Variants in MIDEAS observed in about 807,000 individuals in gnomAD.
MIDEAS encodes mitotic deacetylase-associated SANT domain protein.
Under a neutral mutation model 102.7 loss-of-function variants are expected in MIDEAS, and 26 were observed. That is an observed-to-expected ratio of 0.25 (90% CI 0.19 to 0.35). MIDEAS has a LOEUF of 0.35. Ranked by LOEUF, MIDEAS falls within the 10% of genes least tolerant of loss-of-function variation. The pLI, the probability that MIDEAS is intolerant of heterozygous loss-of-function variation, is 1.00. For missense variants in MIDEAS, 1,231 were observed against 1,435.6 expected (o/e 0.86, Z 2.30); for synonymous variants, 585 against 591.0 (o/e 0.99, Z 0.15).
chr14:73,776,879 T>C lies in MIDEAS; in HGVS notation c.-248+10223A>G, dbSNP rs144849516. 9.9e-5 allele frequency among the ~76,000 whole-genome samples: 15 copies of C among 151,964 alleles called. 1 individual carries two copies. Among genetic ancestry groups the C allele is most frequent in the Non-Finnish European group, 2.2e-4 (15 of 67,958 alleles). ...CAAGGTCAGGAGTTCAAGACCAGCC[T>C]GGCCAAGACGGTGAAACCCCATCTC... On this transcript the variant is annotated intron_variant, in intron 1 of 11. Coordinates refer to the MIDEAS transcript ENST00000394071.
chr14:73,763,997 A>G (rs2053573157), upstream of MIDEAS, among the ~76,000 whole-genome samples: 1 of 152,192 alleles, frequency 6.6e-6, no homozygotes, highest in African/African-American at 2.4e-5. Context: ...AATTATTTTT[A>G]CTGTTTTACC....
chr14:73,742,468 A>G lies in MIDEAS; in HGVS notation c.-247-2213T>C, dbSNP rs1595272174. Among the ~76,000 whole-genome samples the G allele has an allele frequency of 6.6e-6, 1 of 152,164 alleles. No individual in the cohort carries two copies. Among genetic ancestry groups the G allele is most frequent in the Admixed American group, 6.5e-5 (1 of 15,282 alleles). ...CTCCAGGACAAGCCTGCTTCTGCCC[A>G]GGGCAGGGGCCAGAGGCCAGATGCA... On this transcript the variant is annotated intron_variant, in intron 1 of 12. Transcript: ENST00000423556. The surrounding 1 kb of genome is among the most constrained non-coding windows in gnomAD (Gnocchi z 4.4).
chr14:73,726,194 G>A, intron 7 of MIDEAS, 86 bp from the exon 8 acceptor site: 4 of 1,100,604 alleles, frequency 3.6e-6, no homozygotes, highest in South Asian at 1.3e-5. Flanking sequence ...AAAATCCCGA[G>A]TAGGGTGGAC....
chr14:73,731,960 AAGTACTCAC>A (rs1248130770), intron 3 of MIDEAS, among the ~76,000 whole-genome samples: 1 of 152,256 alleles, frequency 6.6e-6, no homozygotes, highest in East Asian at 1.9e-4. Flanking sequence ...GGTGTAGTAC[AAGTACTCAC>A]AGGCAGGGAT....
At chr14:73,771,579 T>C (rs1012870997) in intron 1 of MIDEAS, among the ~76,000 whole-genome samples, 2 of 152,152 alleles carry the variant, frequency 1.3e-5, no homozygotes, top group African/African-American at 4.8e-5. Context: ...GAGAAGGCCA[T>C]TCACCAGATG....
intron 1 of MIDEAS, among the ~76,000 whole-genome samples, chr14:73,748,981 A>G (rs527540700): frequency 6.6e-6 from 1 of 152,332 alleles, no homozygotes; most frequent in East Asian, 1.9e-4. Flanking sequence ...TAACAGTAGG[A>G]AACTTCAATA....
chr14:73,746,038 G>T (rs191202046), intron 1 of MIDEAS, among the ~76,000 whole-genome samples: 66 of 152,324 alleles, frequency 4.3e-4, no homozygotes, highest in African/African-American at 1.4e-3. Flanking sequence ...GCTTGGCCAG[G>T]GTTCAAGCTG....
Position 73,717,691 on chromosome 14 carries a change from G to A in MIDEAS, c.*1152C>T, listed in dbSNP as rs528213877. The stretch of plus-strand genomic sequence containing the variant: ...CACTCGGGCCTCTGAAAAGCAGGAG[G>A]CCCCTGGTCCCTGAGAGGATGTTAA... On this transcript the variant is annotated 3_prime_UTR_variant, in exon 13 of 13. Transcript: ENST00000423556. 2.6e-5 allele frequency: 4 copies of A among 152,620 alleles called. No homozygotes were observed. Among genetic ancestry groups the A allele is most frequent in the Admixed American group, 2.0e-4 (3 of 15,288 alleles). The allele number at this position is 152,620 out of a possible 1,614,324, so 9.5% of individuals were successfully genotyped here.
intron 1 of MIDEAS, among the ~76,000 whole-genome samples, chr14:73,748,658 A>G (rs1428067686): frequency 6.6e-6 from 1 of 151,904 alleles, no homozygotes; most frequent in Non-Finnish European, 1.5e-5. Flanking sequence ...AATCGCAGCT[A>G]CTCAGGAGGC....
intron 1 of MIDEAS, among the ~76,000 whole-genome samples, chr14:73,774,455 A>G (rs7159714): frequency 0.077 from 11,743 of 151,792 alleles, 1,056 homozygotes; most frequent in African/African-American, 0.22. Flanking sequence ...TGCTTTCCCC[A>G]GCTCTGTCTC....
At position 73,726,050 on chromosome 14, in the gene MIDEAS, G is replaced by T; in HGVS notation, c.2468C>A (p.Ala823Glu). The change falls in exon 8 of 13, where the codon GCA becomes GAA. Residue 823 changes from alanine (A) to glutamate (E), a missense_variant. By Grantham distance (107) the Ala-to-Glu change is moderately radical (BLOSUM62 -1). Transcript: ENST00000423556. ...AGGCCCACCTGTGTAGTGATAAGTT[G>T]CCAGCGGATGGTTGTGGGGCCGCAG... ...KPLRPHNHPL[A>E]TYHYTGSDQW... 1 of 1,597,964 alleles carries T rather than the reference G, an allele frequency of 6.3e-7. No individual in the cohort carries two copies. The highest frequency in any genetic ancestry group is 1.3e-5 in the African/African-American group (1 of 74,934).
rs774945415 is a variant in MIDEAS, at chr14:73,738,731, A to G, written c.1278T>C (p.Pro426=). 7.4e-6 allele frequency: 12 copies of G among 1,612,538 alleles called. No homozygotes were observed. Among genetic ancestry groups the G allele is most frequent in the Admixed American group, 1.7e-5 (1 of 59,846 alleles). The change falls in exon 2 of 13, where the codon CCT becomes CCC. Residue 426 remains proline (P), a synonymous_variant. Coordinates refer to ENST00000423556, the MANE Select transcript of MIDEAS (RefSeq NM_001367710.1). The part of the protein sequence containing the change: ...LAPNGREREA[P]AMGSEEGMRA... ...TCATGCCCTCCTCGCTGCCCATGGC[A>G]GGAGCCTCTCGCTCCCGGCCATTGG...
intron 1 of MIDEAS, among the ~76,000 whole-genome samples, chr14:73,747,290 T>C (rs2053365027): frequency 6.6e-6 from 1 of 152,274 alleles, no homozygotes; most frequent in South Asian, 2.1e-4. Flanking sequence ...ACCAACCAGA[T>C]GTCTGGTCCA....
At chr14:73,771,116 C>G (rs2053638185) in intron 1 of MIDEAS, among the ~76,000 whole-genome samples, 1 of 152,124 alleles carries the variant, frequency 6.6e-6, no homozygotes, top group African/African-American at 2.4e-5. Context: ...GCCTGAGTAC[C>G]CCTAATGAGC....
At chr14:73,738,456 G>C (rs2053232351) in intron 2 of MIDEAS, 104 bp downstream of exon 2, 5 of 1,386,808 alleles carry the variant, frequency 3.6e-6, no homozygotes, top group Non-Finnish European at 4.7e-6. Flanking sequence ...CAGCTGGCTA[G>C]GGCAAAGTCT....
In MIDEAS at chr14:73,759,932, G is replaced by C. The variant is rs1209909168; in HGVS notation, c.-417C>G. ...GCTCGCGGGGCTTCCGCCAGCCCGC[G>C]CCTCCCGAGGCTGAGAAGTTTGCTG... On this transcript the variant is annotated 5_prime_UTR_variant, in exon 1 of 13. Coordinates refer to ENST00000423556, the MANE Select transcript of MIDEAS (RefSeq NM_001367710.1). The surrounding 1 kb of genome is among the most constrained non-coding windows in gnomAD (Gnocchi z 6.7). 6.6e-6 allele frequency: 1 copy of C among 151,854 alleles called. No homozygotes were observed. The highest frequency in any genetic ancestry group is 1.9e-4 in the East Asian group (1 of 5,156). 9.4% of individuals were successfully genotyped at this position (151,854 alleles called of 1,614,324 possible).
At chr14:73,779,216 G>A (rs1433381492) in intron 1 of MIDEAS, among the ~76,000 whole-genome samples, 4 of 151,554 alleles carry the variant, frequency 2.6e-5, no homozygotes, top group African/African-American at 9.7e-5. Context: ...GTGAAACCCT[G>A]TGTCTACTAA....
intron 2 of MIDEAS, 59 bp downstream of exon 2, chr14:73,738,501 G>T: frequency 2.1e-6 from 2 of 937,320 alleles, no homozygotes; most frequent in Admixed American, 3.4e-5. Context: ...TCCTGCAGCC[G>T]CCCACCTATC....
rs891767424 is a variant in MIDEAS, at chr14:73,716,836, G to A, written c.*2007C>T. 7.2e-5 allele frequency: 11 copies of A among 152,582 alleles called. No individual in the cohort carries two copies. The highest frequency in any genetic ancestry group is 1.5e-4 in the Non-Finnish European group (10 of 68,030). 9.5% of individuals were successfully genotyped at this position (152,582 alleles called of 1,614,324 possible). The stretch of plus-strand genomic sequence containing the variant: ...ATGATTTGAATAGAAAAGACCTTGG[G>A]AAACATAAGTAGCACTTTGGGGCTA... On this transcript the variant is annotated 3_prime_UTR_variant, in exon 13 of 13. Coordinates refer to ENST00000423556, the MANE Select transcript of MIDEAS (RefSeq NM_001367710.1).
Sources: gnomAD v4.1 joint callset for allele counts (sites outside exome capture counted in the v4.1 genomes callset) on GRCh38, gnomAD v4.1.1 for gene constraint, Gnocchi (gnomAD v3.1) non-coding constraint, MANE v1.5 for transcripts, NCBI Gene and HGNC (gene_info 2026-07-23, HGNC 2026-07-21) for gene names.